Variants in STAMBPL1 observed in about 807,000 individuals in gnomAD.
STAMBPL1 encodes STAM binding protein like 1.
STAMBPL1 carries 44 observed loss-of-function variants against 52.9 expected under a neutral mutation model. The ratio of observed to expected loss-of-function variants is 0.83; its 90% CI spans 0.65 to 1.07. STAMBPL1 has a LOEUF of 1.07. Among genes scored for constraint, STAMBPL1 ranks in the 50% least tolerant of loss-of-function variants. STAMBPL1 has a pLI of 0.00. For missense variants in STAMBPL1, 511 were observed against 520.8 expected (o/e 0.98, Z 0.18); for synonymous variants, 164 against 177.3 (o/e 0.92, Z 0.60).
At position 88,913,156 on chromosome 10, in the gene STAMBPL1, C is replaced by A; in HGVS notation, c.476C>A (p.Ala159Glu). 1 of 1,613,154 alleles carries A rather than the reference C, an allele frequency of 6.2e-7. No individual in the cohort carries two copies. The highest frequency in any genetic ancestry group is 8.5e-7 in the Non-Finnish European group (1 of 1,179,562). The change falls in exon 6 of 11, where the codon GCA becomes GAA. Residue 159 changes from alanine (A) to glutamate (E), a missense_variant. Ala to Glu is a moderately radical substitution (Grantham distance 107, BLOSUM62 -1). This residue lies in a region of STAMBPL1 where 358 missense variants were observed against 343.5 expected (regional missense o/e 1.04). Coordinates refer to ENST00000371926, the MANE Select transcript of STAMBPL1 (RefSeq NM_020799.4). ...TTGGAGCATCAGAGATTGATAGAGG[C>A]AGAAAGGAAGCGGATTGCTCAGATG... ...KKLEHQRLIE[A>E]ERKRIAQMRQ...
chr10:88,915,808 G>A (rs956417132), intron 7 of STAMBPL1, among the ~76,000 whole-genome samples: 1 of 152,130 alleles, frequency 6.6e-6, no homozygotes, highest in Admixed American at 6.6e-5. Context: ...GGGTCAAGAA[G>A]GGTTTCCCTG....
At position 88,913,115 on chromosome 10, in the gene STAMBPL1, T is replaced by C; in HGVS notation, c.435T>C (p.Ala145=). 2 of 1,596,854 alleles carry C rather than the reference T, an allele frequency of 1.3e-6. No individual in the cohort carries two copies. Among genetic ancestry groups the C allele is most frequent in the Non-Finnish European group, 1.7e-6 (2 of 1,172,222 alleles). ...EYLQSKNKYK[A]EILKKLEHQR... ...ACACTTTTTAGAACAAATATAAAGC[T>C]GAAATTCTCAAAAAATTGGAGCATC... The change falls in exon 6 of 11, where the codon GCT becomes GCC. Residue 145 remains alanine (A), a synonymous_variant. Coordinates refer to ENST00000371926, the MANE Select transcript of STAMBPL1 (RefSeq NM_020799.4).
intron 7 of STAMBPL1, 99 bp from the exon 8 acceptor site, chr10:88,916,581 T>A: frequency 7.3e-6 from 8 of 1,092,526 alleles, no homozygotes; most frequent in Admixed American, 3.7e-5. Flanking sequence ...CACACCCCCC[T>A]GCTGGGGGAC....
At chr10:88,913,493 G>A (rs1280865978) in intron 6 of STAMBPL1, 35 bp downstream of exon 6, 1 of 1,549,548 alleles carries the variant, frequency 6.5e-7, no homozygotes, top group African/African-American at 1.4e-5. Context: ...GAGACACTGA[G>A]CCTCATCGGA....
chr10:88,892,354 G>A (rs1211534069), intron 1 of STAMBPL1, among the ~76,000 whole-genome samples: 8 of 28,544 alleles, frequency 2.8e-4, no homozygotes, highest in African/African-American at 1.7e-3. Flanking sequence ...GTGCGTGTGC[G>A]TGTGTGTGTG....
chr10:88,901,688 T>G lies in STAMBPL1; in HGVS notation c.-21T>G, dbSNP rs1844946690. On this transcript the variant is annotated 5_prime_UTR_variant, in exon 2 of 11. Transcript: ENST00000371926. ...GATTGAGAAGAAACAGTGAACATCC[T>G]CATTTCACAGATAAGACAACATGGA... 5 of 1,607,350 alleles carry G rather than the reference T, an allele frequency of 3.1e-6. No homozygotes were observed. The highest frequency in any genetic ancestry group is 1.3e-5 in the African/African-American group (1 of 74,486).
intron 1 of STAMBPL1, among the ~76,000 whole-genome samples, chr10:88,896,248 T>G (rs1436446938): frequency 6.6e-6 from 1 of 152,240 alleles, no homozygotes; most frequent in African/African-American, 2.4e-5. Context: ...CAAATCAATG[T>G]AATCTTTGCT....
chr10:88,905,726 G>A (rs1739751305), intron 3 of STAMBPL1, 66 bp downstream of exon 3: 1 of 1,267,536 alleles, frequency 7.9e-7, no homozygotes, highest in Non-Finnish European at 1.1e-6. Flanking sequence ...ATTTTGATGT[G>A]GCAGTTTGGG....
In STAMBPL1 at chr10:88,921,390, T is replaced by A; in HGVS notation, c.1149T>A (p.His383Gln). Residue 383 changes from histidine to glutamine, a missense_variant, in exon 9 of 11, where the codon CAT (histidine) becomes CAA (glutamine). His to Gln is a conservative substitution (Grantham distance 24). Coordinates refer to ENST00000371926, the MANE Select transcript of STAMBPL1 (RefSeq NM_020799.4). ...EAIAIVCSPK[H>Q]KDTGIFRLTN... ...TTGCCATTGTTTGCTCACCAAAGCA[T>A]AAAGAGTAAGTGTAACTCTTCAGGG... 6.2e-7 allele frequency: 1 copy of A among 1,612,038 alleles called. No individual in the cohort carries two copies. The highest frequency in any genetic ancestry group is 1.3e-5 in the African/African-American group (1 of 74,962).
chr10:88,900,931 A>T (rs1844929214), intron 1 of STAMBPL1: 1 of 152,168 alleles, frequency 6.6e-6, no homozygotes, highest in African/African-American at 2.4e-5. Context: ...GCAGCTTTGG[A>T]ACTTGTGGTG....
chr10:88,916,857 TG>T, intron 8 of STAMBPL1, 40 bp downstream of exon 8: 1 of 1,459,160 alleles, frequency 6.9e-7, no homozygotes, highest in Non-Finnish European at 9.1e-7. Context: ...TTTGTGTGTG[TG>T]GCATGCTATT....
chr10:88,892,061 GA>G (rs111614171), intron 1 of STAMBPL1, among the ~76,000 whole-genome samples: 6 of 151,962 alleles, frequency 3.9e-5, no homozygotes, highest in Non-Finnish European at 7.4e-5. Flanking sequence ...GATATATCAA[GA>G]AAAAAAGATG....
intron 1 of STAMBPL1, among the ~76,000 whole-genome samples, chr10:88,886,057 G>A (rs182451263): frequency 6.6e-6 from 1 of 152,322 alleles, no homozygotes; most frequent in East Asian, 1.9e-4. Flanking sequence ...TATGTCAACA[G>A]TGTTACACAA....
chr10:88,883,731 A>G (rs1456089514), intron 1 of STAMBPL1, among the ~76,000 whole-genome samples: 1 of 152,198 alleles, frequency 6.6e-6, no homozygotes, highest in Non-Finnish European at 1.5e-5. Context: ...TGGCTTAGAG[A>G]CATTAATTTG....
chr10:88,922,185 A>G, intron 9 of STAMBPL1, 152 bp from the exon 10 acceptor site: 2 of 739,154 alleles, frequency 2.7e-6, no homozygotes, highest in Non-Finnish European at 4.4e-6. Context: ...TGGACCAGTC[A>G]TTGGTTTAAA....
intron 6 of STAMBPL1, among the ~76,000 whole-genome samples, chr10:88,913,921 C>T (rs970078519): frequency 6.6e-6 from 1 of 152,144 alleles, no homozygotes; most frequent in Non-Finnish European, 1.5e-5. Context: ...AGATAATTAA[C>T]CTCCAAATGG....
intron 1 of STAMBPL1, among the ~76,000 whole-genome samples, chr10:88,885,772 C>G (rs1297490759): frequency 6.6e-6 from 1 of 152,152 alleles, no homozygotes; most frequent in Non-Finnish European, 1.5e-5. Flanking sequence ...TATAAGAAGA[C>G]AGATTTTATT....
chr10:88,881,763 T>A (rs1423826040), intron 1 of STAMBPL1, among the ~76,000 whole-genome samples: 1 of 152,234 alleles, frequency 6.6e-6, no homozygotes, highest in Non-Finnish European at 1.5e-5. Context: ...CCCGACCTTG[T>A]TTCCATTGGA....
At chr10:88,909,709 C>A (rs1422508501) in intron 4 of STAMBPL1, among the ~76,000 whole-genome samples, 1 of 152,118 alleles carries the variant, frequency 6.6e-6, no homozygotes, top group Admixed American at 6.6e-5. Context: ...TCAAGCAATT[C>A]TCTGCCTCAG....
Sources: gnomAD v4.1 joint callset for allele counts (sites outside exome capture counted in the v4.1 genomes callset) on GRCh38, gnomAD v4.1.1 for gene constraint, gnomAD v4.1.1 regional missense constraint, MANE v1.5 for transcripts, NCBI Gene and HGNC (gene_info 2026-07-23, HGNC 2026-07-21) for gene names.